Variants in CTNNA2 observed in about 807,000 individuals in gnomAD.
CTNNA2 encodes the protein catenin alpha-2.
A neutral mutation model predicts 101.0 loss-of-function variants in CTNNA2; 42 were observed. The ratio of observed to expected loss-of-function variants is 0.42; its 90% confidence interval spans 0.32 to 0.54. CTNNA2 has a LOEUF of 0.54. Ranked by LOEUF, CTNNA2 falls within the 20% of genes least tolerant of loss-of-function variation. CTNNA2 has a pLI of 0.14. For missense variants in CTNNA2, 871 were observed against 1,223.1 expected (o/e 0.71, Z 4.29); for synonymous variants, 450 against 456.4 (o/e 0.99, Z 0.18).
chr2:80,336,180 C>G (rs921522493), intron 7 of CTNNA2, among the ~76,000 whole-genome samples: 3 of 152,168 alleles, frequency 2.0e-5, no homozygotes, highest in Non-Finnish European at 4.4e-5. Flanking sequence ...AGGGCTCCAG[C>G]ATATTCAGTG....
At chr2:80,098,879 A>G (rs775632902) in intron 7 of CTNNA2, among the ~76,000 whole-genome samples, 3 of 152,078 alleles carry the variant, frequency 2.0e-5, no homozygotes, top group Non-Finnish European at 4.4e-5. Context: ...GGTGGAAGTA[A>G]CCCGATTTTC....
At chr2:79,413,207 G>T (rs1678437410) in intron 4 of CTNNA2, among the ~76,000 whole-genome samples, 1 of 151,792 alleles carries the variant, frequency 6.6e-6, no homozygotes, top group African/African-American at 2.4e-5. Context: ...GGGAAAAAAT[G>T]GAAAATCTGC....
At chr2:80,588,765 T>C (rs1015364596) in intron 14 of CTNNA2, among the ~76,000 whole-genome samples, 2 of 152,140 alleles carry the variant, frequency 1.3e-5, no homozygotes, top group Non-Finnish European at 2.9e-5. Context: ...TGGAGTGCCC[T>C]GGGCAGGGGA....
intron 11 of CTNNA2, among the ~76,000 whole-genome samples, chr2:80,554,248 T>A (rs1371537280): frequency 6.6e-6 from 1 of 152,184 alleles, no homozygotes; most frequent in Admixed American, 6.5e-5. Context: ...TTTCTTTCTT[T>A]AGGAAATTTA....
At position 79,326,641 on chromosome 2, in the gene CTNNA2, T is replaced by C. The variant is rs560155539; in HGVS notation, c.-318+13845T>C. On this transcript the variant is annotated intron_variant, in intron 3 of 21. Transcript: ENST00000466387. The stretch of plus-strand genomic sequence containing the variant: ...ACATGTTTGACGCTGGTTAGGAGTT[T>C]TCTAAAGTGACTCTCACATAGATCT... 3.9e-5 allele frequency among the ~76,000 whole-genome samples: 6 copies of C among 152,292 alleles called. No homozygotes were observed. The East Asian group carries it at 1.2e-3, about 29-fold the overall frequency.
In CTNNA2 at chr2:79,249,902, C is replaced by T. The variant is rs997286093; in HGVS notation, c.-406+51826C>T. On this transcript the variant is annotated intron_variant, in intron 2 of 21. Coordinates refer to the CTNNA2 transcript ENST00000466387. ...CATTACTTTGTTTTTAAAATTGGTG[C>T]TTTTTCCCCATCCTGGGTCTTCTGA... Among the ~76,000 whole-genome samples the T allele has an allele frequency of 5.3e-5, 8 of 152,226 alleles. No individual in the cohort carries two copies. In the South Asian group the frequency reaches 1.2e-3, roughly 24 times the overall value.
At chr2:80,591,993 AT>A (rs951256944) in intron 15 of CTNNA2, among the ~76,000 whole-genome samples, 2 of 152,062 alleles carry the variant, frequency 1.3e-5, no homozygotes, top group Non-Finnish European at 2.9e-5. Context: ...TTTTCATGTC[AT>A]TTTTCAGAAA....
At position 79,956,843 on chromosome 2, in the gene CTNNA2, G is replaced by GTTTTTTTTTTTTTTT. The variant is rs66471325; in HGVS notation, c.1056+47057_1056+47071dup. 6.2e-4 allele frequency among the ~76,000 whole-genome samples: 61 copies of GTTTTTTTTTTTTTTT among 98,902 alleles called. 11 individuals carry two copies. The highest frequency in any genetic ancestry group is 2.1e-3 in the African/African-American group (45 of 21,350). The allele number at this position is 98,902 out of a possible 152,430, so 64.9% of individuals were successfully genotyped here. A position where few individuals can be genotyped will look rare whatever the true frequency, so the allele number is the denominator to read the frequency against. On this transcript the variant is annotated intron_variant, in intron 7 of 18. Transcript: ENST00000402739. ...TTTCATTTACTATGAATACGTGTGG[G>GTTTTTTTTTTTTTTT]TTTTTTTTTTTTTTTTTTTTTTTTT...
intron 3 of CTNNA2, among the ~76,000 whole-genome samples, chr2:79,807,905 A>G (rs548895415): frequency 2.4e-4 from 36 of 152,312 alleles, no homozygotes; most frequent in African/African-American, 7.7e-4. Context: ...TTACTTTGAT[A>G]TCAAGAAATT....
intron 3 of CTNNA2, among the ~76,000 whole-genome samples, chr2:79,344,426 GT>G (rs948998977): frequency 6.6e-6 from 1 of 152,092 alleles, no homozygotes; most frequent in Non-Finnish European, 1.5e-5. Context: ...AACTTGAAAA[GT>G]CTCAGCTTGA....
At chr2:80,486,230 G>C (rs1020128841) in intron 9 of CTNNA2, among the ~76,000 whole-genome samples, 2 of 152,144 alleles carry the variant, frequency 1.3e-5, no homozygotes, top group Non-Finnish European at 2.9e-5. Context: ...TAGATAGTGT[G>C]GGGAATATGG....
chr2:80,113,734 T>C (rs1254121758), intron 7 of CTNNA2, among the ~76,000 whole-genome samples: 1 of 152,222 alleles, frequency 6.6e-6, no homozygotes, highest in Non-Finnish European at 1.5e-5. Context: ...TATTGTTTTC[T>C]CATGGACAAG....
At chr2:79,334,007 A>G (rs995998141) in intron 3 of CTNNA2, among the ~76,000 whole-genome samples, 2 of 152,178 alleles carry the variant, frequency 1.3e-5, no homozygotes, top group Admixed American at 1.3e-4. Flanking sequence ...ATTTTGATAC[A>G]TTTATACAAT....
chr2:80,043,107 C>CTG (rs1292937787), intron 7 of CTNNA2, among the ~76,000 whole-genome samples: 2 of 55,370 alleles, frequency 3.6e-5, no homozygotes, highest in Non-Finnish European at 7.7e-5. Flanking sequence ...CTCTCTCTCT[C>CTG]TCTCTTTCTT....
chr2:80,002,060 T>C lies in CTNNA2; in HGVS notation c.1056+92263T>C, dbSNP rs182881865. 3.1e-3 allele frequency among the ~76,000 whole-genome samples: 472 copies of C among 152,320 alleles called. 4 individuals carry two copies. Among genetic ancestry groups the C allele is most frequent in the Non-Finnish European group, 5.1e-3 (348 of 68,032 alleles). ...AGCTTTAAACAATGTGTTTTTTAAG[T>C]GCTTAGTGACAACCCTAAAATATTT... On this transcript the variant is annotated intron_variant, in intron 7 of 18. Coordinates refer to ENST00000402739, the MANE Select transcript of CTNNA2 (RefSeq NM_001282597.3).
At chr2:80,167,891 G>A (rs1704802506) in intron 7 of CTNNA2, among the ~76,000 whole-genome samples, 2 of 152,216 alleles carry the variant, frequency 1.3e-5, no homozygotes. Context: ...TAGGAAAGGT[G>A]TGCTTTGATA....
At chr2:79,325,104 C>T (rs1475994214) in intron 3 of CTNNA2, among the ~76,000 whole-genome samples, 1 of 152,022 alleles carries the variant, frequency 6.6e-6, no homozygotes, top group Non-Finnish European at 1.5e-5. Flanking sequence ...GAGATAGGTT[C>T]AAAACCTCCT....
At chr2:79,238,408 T>C (rs1479137520) in intron 2 of CTNNA2, among the ~76,000 whole-genome samples, 1 of 151,970 alleles carries the variant, frequency 6.6e-6, no homozygotes, top group Non-Finnish European at 1.5e-5. Context: ...ATAACAGATA[T>C]AAAAATAATG....
intron 1 of CTNNA2, among the ~76,000 whole-genome samples, chr2:79,608,725 A>G (rs764584576): frequency 6.6e-6 from 1 of 152,062 alleles, no homozygotes; most frequent in Non-Finnish European, 1.5e-5. Flanking sequence ...TAAAATTCTC[A>G]GCCAATTAGA....
Sources: gnomAD v4.1 joint callset for allele counts (sites outside exome capture counted in the v4.1 genomes callset) on GRCh38, gnomAD v4.1.1 for gene constraint, MANE v1.5 for transcripts, NCBI Gene and HGNC (gene_info 2026-07-23, HGNC 2026-07-21) for gene names.